Variants in TRERF1 observed in about 807,000 individuals in gnomAD.
TRERF1 encodes the protein transcriptional regulating factor 1.
A neutral mutation model predicts 122.9 loss-of-function variants in TRERF1; 27 were observed. The ratio of observed to expected loss-of-function variants is 0.22; its 90% CI spans 0.16 to 0.30. The LOEUF is 0.30. TRERF1 is among the 10% of genes least tolerant of loss of function. The probability of loss-of-function intolerance (pLI) is 1.00; values close to 1 mark genes in which losing one functional copy is unlikely to be tolerated. For missense variants in TRERF1, 1,248 were observed against 1,560.3 expected (o/e 0.80, Z 3.37); for synonymous variants, 636 against 641.7 (o/e 0.99, Z 0.13).
At chr6:42,330,756 T>C (rs543380838) in intron 3 of TRERF1, among the ~76,000 whole-genome samples, 1 of 152,234 alleles carries the variant, frequency 6.6e-6, no homozygotes, top group South Asian at 2.1e-4. Flanking sequence ...AGTCTCAACA[T>C]CCTGGGCTCA....
intron 2 of TRERF1, among the ~76,000 whole-genome samples, chr6:42,412,325 CT>C (rs1328629175): frequency 6.6e-6 from 1 of 152,170 alleles, no homozygotes; most frequent in African/African-American, 2.4e-5. Context: ...AAAATATTTT[CT>C]GGTGCTCTAC....
chr6:42,401,329 CA>C (rs908949631), intron 2 of TRERF1, among the ~76,000 whole-genome samples: 29 of 152,304 alleles, frequency 1.9e-4, no homozygotes, highest in Admixed American at 1.6e-3. Flanking sequence ...TCCGTGCTCT[CA>C]AAAGAAAAGA....
chr6:42,232,537 C>A lies in TRERF1; in HGVS notation c.3278+144G>T. On this transcript the variant is annotated intron_variant, in intron 17 of 17. Coordinates refer to ENST00000372922, the Ensembl canonical transcript of TRERF1. This position sits in a 1 kb window ranked among gnomAD's most constrained non-coding sequence, Gnocchi z 4.5. ...CTGAGTCTGCAACAGGACTACATAC[C>A]CATCCCAAAGATGACACGAAGAAGA... The A allele has an allele frequency of 9.5e-7, 1 of 1,054,498 alleles. No individual in the cohort carries two copies. The allele number at this position is 1,054,498 out of a possible 1,614,324, so 65.3% of individuals were successfully genotyped here.
chr6:42,355,994 C>T (rs1770464279), intron 3 of TRERF1, among the ~76,000 whole-genome samples: 2 of 152,270 alleles, frequency 1.3e-5, no homozygotes, highest in Admixed American at 6.5e-5. Flanking sequence ...ACAACTTTAC[C>T]ACTGACATTC....
intron 4 of TRERF1, among the ~76,000 whole-genome samples, chr6:42,298,403 A>C (rs1392290550): frequency 3.3e-5 from 5 of 151,616 alleles, no homozygotes; most frequent in African/African-American, 1.2e-4. Flanking sequence ...TGATCCACCC[A>C]CCAAGGCCTC....
intron 3 of TRERF1, among the ~76,000 whole-genome samples, chr6:42,336,688 G>T (rs1482566617): frequency 1.3e-5 from 2 of 152,172 alleles, no homozygotes; most frequent in Non-Finnish European, 2.9e-5. Flanking sequence ...CTTGGCGGAG[G>T]AGCATGAACT....
chr6:42,270,569 A>C (rs1415484453), intron 4 of TRERF1, among the ~76,000 whole-genome samples: 1 of 152,206 alleles, frequency 6.6e-6, no homozygotes, highest in East Asian at 1.9e-4. Context: ...GCCTGCTCTC[A>C]AGCATGTAGT....
intron 2 of TRERF1, among the ~76,000 whole-genome samples, chr6:42,373,729 G>A (rs1774225108): frequency 6.6e-6 from 1 of 151,830 alleles, no homozygotes; most frequent in Non-Finnish European, 1.5e-5. Context: ...TACTCAGGGG[G>A]CTGAGTCAGG....
intron 3 of TRERF1, among the ~76,000 whole-genome samples, chr6:42,307,689 GAA>G (rs34629644): frequency 0.041 from 4,991 of 122,422 alleles, 102 homozygotes; most frequent in East Asian, 0.075. Flanking sequence ...GTAAATGTAT[GAA>G]AAAAAAAAAA....
chr6:42,371,163 AG>A (rs1773694043), intron 2 of TRERF1, among the ~76,000 whole-genome samples: 1 of 152,194 alleles, frequency 6.6e-6, no homozygotes, highest in South Asian at 2.1e-4. Flanking sequence ...GAGAGTTCAA[AG>A]GCCTGGAGGT....
In TRERF1 at chr6:42,325,146, T is replaced by C. The variant is rs374207638; in HGVS notation, c.-370-24397A>G. Among the ~76,000 whole-genome samples the C allele has an allele frequency of 1.3e-3, 196 of 152,056 alleles. 1 individual carries two copies. Among genetic ancestry groups the C allele is most frequent in the South Asian group, 8.1e-3 (39 of 4,824 alleles). Reference sequence around the variant, plus strand: ...GACATACAAGTGGCCAAAAAGCATATGAAAAAAATGCTCAACATCGCTAAT... The same window carrying C: ...GACATACAAGTGGCCAAAAAGCATACGAAAAAAATGCTCAACATCGCTAAT... On this transcript the variant is annotated intron_variant, in intron 3 of 17. Coordinates refer to ENST00000372922, the Ensembl canonical transcript of TRERF1.
At chr6:42,409,361 T>G (rs993309389) in intron 2 of TRERF1, among the ~76,000 whole-genome samples, 3 of 152,176 alleles carry the variant, frequency 2.0e-5, no homozygotes, top group Admixed American at 6.5e-5. Flanking sequence ...ATCCTACTAT[T>G]GTACAATTTT....
chr6:42,234,586 C>T (rs1336756070), intron 16 of TRERF1, among the ~76,000 whole-genome samples: 1 of 152,106 alleles, frequency 6.6e-6, no homozygotes, highest in East Asian at 1.9e-4. Context: ...TGTGATCCAC[C>T]TGCCTCAGCC....
At chr6:42,335,766 T>G (rs983091738) in intron 3 of TRERF1, among the ~76,000 whole-genome samples, 6 of 152,332 alleles carry the variant, frequency 3.9e-5, no homozygotes, top group African/African-American at 1.2e-4. Flanking sequence ...CAGGGGCACA[T>G]TCTCTGACTC....
At chr6:42,377,597 G>C (rs1010971083) in intron 2 of TRERF1, among the ~76,000 whole-genome samples, 1 of 152,220 alleles carries the variant, frequency 6.6e-6, no homozygotes, top group African/African-American at 2.4e-5. Flanking sequence ...AAATGATGCT[G>C]TCAGCATCCG....
intron 2 of TRERF1, among the ~76,000 whole-genome samples, chr6:42,380,186 A>T (rs1464933839): frequency 2.7e-5 from 4 of 147,396 alleles, no homozygotes; most frequent in Non-Finnish European, 6.0e-5. Context: ...CAGTGTGGTA[A>T]CAGTGAGGAG....
intron 15 of TRERF1, among the ~76,000 whole-genome samples, chr6:42,242,024 A>G (rs1240250027): frequency 6.6e-6 from 1 of 152,164 alleles, no homozygotes; most frequent in African/African-American, 2.4e-5. Flanking sequence ...GAGCCCAAGA[A>G]GTTGAGGCTG....
intron 3 of TRERF1, among the ~76,000 whole-genome samples, chr6:42,359,184 C>T (rs376885873): frequency 1.2e-4 from 18 of 152,268 alleles, no homozygotes; most frequent in East Asian, 1.2e-3. Flanking sequence ...GATGCTTGAC[C>T]CTCCTGGGAT....
At chr6:42,314,044 AG>A (rs1465319872) in intron 3 of TRERF1, among the ~76,000 whole-genome samples, 1 of 152,064 alleles carries the variant, frequency 6.6e-6, no homozygotes, top group Non-Finnish European at 1.5e-5. Context: ...GCGGCCCTAA[AG>A]GGTTTTTTTT....
Sources: allele counts gnomAD v4.1 joint callset (sites outside exome capture counted in the v4.1 genomes callset), GRCh38; gene constraint gnomAD v4.1.1; non-coding constraint Gnocchi (gnomAD v3.1); transcripts MANE v1.5; gene names NCBI Gene and HGNC (gene_info 2026-07-23, HGNC 2026-07-21).